CAMSAP1: variants seen among roughly 807,000 people sequenced by gnomAD.
The protein encoded by CAMSAP1 is calmodulin regulated spectrin associated protein 1, also known as calmodulin-regulated spectrin-associated protein 1.
In CAMSAP1, 58 loss-of-function variants were observed where a neutral mutation model predicts 143.5. The ratio of observed to expected loss-of-function variants is 0.40; its 90% CI spans 0.33 to 0.50. The LOEUF (loss-of-function observed/expected upper bound fraction) is 0.50. Among genes scored for constraint, CAMSAP1 ranks in the 20% least tolerant of loss-of-function variants. CAMSAP1 has a pLI of 0.45. For synonymous variants in CAMSAP1, 945 were observed against 859.3 expected, an observed-to-expected ratio of 1.10 and a Z score of -1.74; for missense variants, 1,969 against 2,115.7, an observed-to-expected ratio of 0.93 and a Z score of 1.36.
At chr9:135,839,895 G>A (rs1053684373) in intron 7 of CAMSAP1, among the ~76,000 whole-genome samples, 1 of 152,078 alleles carries the variant, frequency 6.6e-6, no homozygotes, top group African/African-American at 2.4e-5. Flanking sequence ...GGGTCAACTG[G>A]GAATGCAGAC....
chr9:135,826,563 T>C lies in CAMSAP1; in HGVS notation c.1223+844A>G, dbSNP rs1170096954. Among the ~76,000 whole-genome samples, 1 of 152,166 alleles carries C rather than the reference T, an allele frequency of 6.6e-6. No individual in the cohort carries two copies. The highest frequency in any genetic ancestry group is 6.5e-5 in the Admixed American group (1 of 15,288). ...CAACATGGTCACCGGTTTTAGCTCC[T>C]CTCAAACAACCTGAAACAACTGAGT... On this transcript the variant is annotated intron_variant, in intron 8 of 16. Transcript: ENST00000389532. The surrounding 1 kb of genome is among the most constrained non-coding windows in gnomAD (Gnocchi z 4.4).
In CAMSAP1 at chr9:135,883,069, G is replaced by A. The variant is rs989780482; in HGVS notation, c.170C>T (p.Pro57Leu). 12 of 1,551,586 alleles carry A rather than the reference G, an allele frequency of 7.7e-6. No homozygotes were observed. Among genetic ancestry groups the A allele is most frequent in the African/African-American group, 1.4e-5 (1 of 73,038 alleles). Residue 57 changes from proline (P) to leucine (L), a missense_variant, in exon 2 of 17, where the codon CCT (proline) becomes CTT (leucine). Transcript: ENST00000389532. Reference sequence around the variant, plus strand: ...GTAGAAAGGGTCTCTGAGGTCCTCAGGGATGTTATCTAAGACAGGGAGGGG... The same window carrying A: ...GTAGAAAGGGTCTCTGAGGTCCTCAAGGATGTTATCTAAGACAGGGAGGGG... ...CAKAYGRDNI[P>L]EDLRDPFYVD...
In CAMSAP1 at chr9:135,811,167, G is replaced by C; in HGVS notation, c.*142C>G. ...TCTTCTGCTGTCTAGAAACCTCTTT[G>C]CAAAAGGTCTGTGACTTTGCACACT... On this transcript the variant is annotated 3_prime_UTR_variant, in exon 17 of 17. Transcript: ENST00000389532. The surrounding 1 kb of genome is among the most constrained non-coding windows in gnomAD (Gnocchi z 4.9). 1.0e-6 allele frequency: 1 copy of C among 968,434 alleles called. No individual in the cohort carries two copies. Among genetic ancestry groups the C allele is most frequent in the South Asian group, 1.8e-5 (1 of 57,118 alleles). 60.0% of individuals were successfully genotyped at this position (968,434 alleles called of 1,614,324 possible).
At chr9:135,898,086 T>C (rs138629394) in intron 1 of CAMSAP1, among the ~76,000 whole-genome samples, 1 of 152,156 alleles carries the variant, frequency 6.6e-6, no homozygotes. Flanking sequence ...AAATCATTAA[T>C]ACAAGTTCCT....
intron 3 of CAMSAP1, 23 bp from the exon 4 acceptor site, chr9:135,866,559 T>C (rs1472910190): frequency 1.8e-6 from 2 of 1,115,702 alleles, no homozygotes; most frequent in African/African-American, 3.1e-5. Context: ...AGAAATGCAT[T>C]AAAGAGGTAA....
Position 135,818,732 on chromosome 9 carries a change from G to C in CAMSAP1, c.3960-116C>G. 1.6e-6 allele frequency: 2 copies of C among 1,279,426 alleles called. No homozygotes were observed. Among genetic ancestry groups the C allele is most frequent in the African/African-American group, 3.0e-5 (2 of 67,500 alleles). 79.3% of individuals were successfully genotyped at this position (1,279,426 alleles called of 1,614,324 possible). ...GGTTCTCCCCGGCCGCTGGGACCAA[G>C]AGTGGCCAGCCTCCACAAGCGGGAC... On this transcript the variant is annotated intron_variant, in intron 12 of 16. Coordinates refer to ENST00000389532, the MANE Select transcript of CAMSAP1 (RefSeq NM_015447.4). This position sits in a 1 kb window ranked among gnomAD's most constrained non-coding sequence, Gnocchi z 7.7.
intron 16 of CAMSAP1, among the ~76,000 whole-genome samples, chr9:135,812,536 G>T (rs545873595): frequency 6.6e-6 from 1 of 152,090 alleles, no homozygotes; most frequent in Admixed American, 6.6e-5. Context: ...GTTCACGGGC[G>T]TGGAGTTTCT....
intron 1 of CAMSAP1, among the ~76,000 whole-genome samples, chr9:135,893,440 A>C (rs1309547191): frequency 6.6e-6 from 1 of 152,112 alleles, no homozygotes; most frequent in Non-Finnish European, 1.5e-5. Flanking sequence ...AGGAAAACAA[A>C]ACAAAAGAAA....
chr9:135,895,635 CATGAGTA>C (rs1387900074), intron 1 of CAMSAP1, among the ~76,000 whole-genome samples: 1 of 152,164 alleles, frequency 6.6e-6, no homozygotes, highest in Non-Finnish European at 1.5e-5. Flanking sequence ...AATGCAGAGA[CATGAGTA>C]ATGAGTAAAT....
chr9:135,881,798 G>C lies in CAMSAP1; in HGVS notation c.424-4C>G. 1.3e-6 allele frequency: 2 copies of C among 1,551,938 alleles called. No homozygotes were observed. The highest frequency in any genetic ancestry group is 1.7e-6 in the Non-Finnish European group (2 of 1,146,994). On this transcript the variant is annotated splice_polypyrimidine_tract_variant and splice_region_variant and intron_variant, in intron 2 of 16. Transcript: ENST00000389532. ...CCACCATTGCCATGTGGGCACTCTA[G>C]GGGCAGAGGCAGCAGCTATAATCCC...
At chr9:135,864,281 C>G (rs1215142520) in intron 4 of CAMSAP1, among the ~76,000 whole-genome samples, 1 of 152,206 alleles carries the variant, frequency 6.6e-6, no homozygotes, top group Admixed American at 6.5e-5. Flanking sequence ...TGATATTTAG[C>G]TCTTCAGTCT....
Position 135,882,127 on chromosome 9 carries a change from C to T in CAMSAP1, c.424-333G>A, listed in dbSNP as rs1487875823. On this transcript the variant is annotated intron_variant, in intron 2 of 16. Transcript: ENST00000389532. This position sits in a 1 kb window ranked among gnomAD's most constrained non-coding sequence, Gnocchi z 4.9. ...CTCCCAGGAAAGGCGGTGCAGCTCC[C>T]AGGTCGTGGTTGTGGGAAGGCAGAC... 3.9e-5 allele frequency among the ~76,000 whole-genome samples: 6 copies of T among 152,204 alleles called. No homozygotes were observed. Among genetic ancestry groups the T allele is most frequent in the African/African-American group, 1.4e-4 (6 of 41,438 alleles).
In CAMSAP1 at chr9:135,815,877, C is replaced by A; in HGVS notation, c.4387+13G>T. On this transcript the variant is annotated intron_variant, in intron 15 of 16. Transcript: ENST00000389532. ...TGCCCACGATGACCTCTAAGGAGGGCGAACGCCGTCACCTGTGTACTCGGC... is the reference window on the plus strand; with the variant it reads ...TGCCCACGATGACCTCTAAGGAGGGAGAACGCCGTCACCTGTGTACTCGGC... 1 of 1,610,890 alleles carries A rather than the reference C, an allele frequency of 6.2e-7. No homozygotes were observed. The highest frequency in any genetic ancestry group is 8.5e-7 in the Non-Finnish European group (1 of 1,177,710).
In CAMSAP1 at chr9:135,827,440, C is replaced by T. The variant is rs1835713961; in HGVS notation, c.1190G>A (p.Arg397Lys). The change falls in exon 8 of 17, where the codon AGG (arginine) becomes AAG (lysine). Residue 397 changes from arginine (R) to lysine (K), a missense_variant. Around this residue, in one of 4 missense-constraint regions of CAMSAP1, gnomAD observed 1,390 missense variants for 1,420.8 expected, o/e 0.98. Transcript: ENST00000389532. ...PVQLPAEGCHRHYLHPEEPEY... is the reference protein window; with the variant it reads ...PVQLPAEGCHKHYLHPEEPEY... ...AGGTTCTTCCGGGTGCAGGTAGTGC[C>T]TGTGACAGCCTTCCGCCGGCAGCTG... is the stretch of plus-strand genomic sequence containing the variant. 5 of 1,592,650 alleles carry T rather than the reference C, an allele frequency of 3.1e-6. No homozygotes were observed. Among genetic ancestry groups the T allele is most frequent in the Non-Finnish European group, 4.3e-6 (5 of 1,164,028 alleles).
At chr9:135,868,609 ATTTTTTT>A (rs767495608) in intron 3 of CAMSAP1, among the ~76,000 whole-genome samples, 2 of 93,476 alleles carry the variant, frequency 2.1e-5, no homozygotes, top group East Asian at 3.3e-4. Context: ...GAGATTGGCA[ATTTTTTT>A]TTTTTTTTTT....
At chr9:135,828,710 G>A (rs1588451770) in intron 7 of CAMSAP1, among the ~76,000 whole-genome samples, 1 of 152,352 alleles carries the variant, frequency 6.6e-6, no homozygotes, top group East Asian at 1.9e-4. Context: ...CCCACGCTTA[G>A]ATGATACAGA....
chr9:135,899,063 G>T (rs1207831593), intron 1 of CAMSAP1, among the ~76,000 whole-genome samples: 1 of 152,200 alleles, frequency 6.6e-6, no homozygotes, highest in Non-Finnish European at 1.5e-5. Flanking sequence ...TACGCTAAGT[G>T]AAAGAAGTCA....
intron 3 of CAMSAP1, among the ~76,000 whole-genome samples, chr9:135,870,685 C>G (rs1229385548): frequency 6.6e-6 from 1 of 152,146 alleles, no homozygotes; most frequent in African/African-American, 2.4e-5. Flanking sequence ...ATCCCAGTTA[C>G]TTGGGAGGCT....
At chr9:135,841,284 C>T (rs1004296282) in intron 7 of CAMSAP1, among the ~76,000 whole-genome samples, 1 of 152,170 alleles carries the variant, frequency 6.6e-6, no homozygotes, top group Non-Finnish European at 1.5e-5. Context: ...CCGCTGTAGC[C>T]AGACTGCCTC....
Sources: gnomAD v4.1 joint callset for allele counts (sites outside exome capture counted in the v4.1 genomes callset) on GRCh38, gnomAD v4.1.1 for gene constraint, gnomAD v4.1.1 regional missense constraint, Gnocchi (gnomAD v3.1) non-coding constraint, MANE v1.5 for transcripts, NCBI Gene and HGNC (gene_info 2026-07-23, HGNC 2026-07-21) for gene names.